Variants in ADAM18 observed in about 807,000 individuals in gnomAD.
ADAM18 encodes disintegrin and metalloproteinase domain-containing protein 18.
In ADAM18, 117 loss-of-function variants were observed where a neutral mutation model predicts 94.4. That is an observed-to-expected ratio of 1.24 (90% CI 1.07 to 1.45). The LOEUF (loss-of-function observed/expected upper bound fraction) is 1.45. ADAM18 is among the 40% of genes most tolerant of loss of function. The probability of loss-of-function intolerance (pLI) is 0.00; values close to 1 mark genes in which losing one functional copy is unlikely to be tolerated. For synonymous variants in ADAM18, 327 were observed against 291.6 expected (o/e 1.12, Z -1.24); for missense variants, 936 against 880.0 (o/e 1.06, Z -0.81).
chr8:39,591,668 C>T (rs13270163), intron 2 of ADAM18, among the ~76,000 whole-genome samples: 51,004 of 152,042 alleles, frequency 0.34, 9,563 homozygotes, highest in Non-Finnish European at 0.42. Flanking sequence ...TTCATGAGAG[C>T]TGTAATTAAC....
intron 16 of ADAM18, among the ~76,000 whole-genome samples, chr8:39,691,547 C>G (rs1039221673): frequency 1.3e-5 from 2 of 151,972 alleles, no homozygotes; most frequent in African/African-American, 4.8e-5. Flanking sequence ...TATTGCCACA[C>G]TATTCACAAT....
intron 18 of ADAM18, among the ~76,000 whole-genome samples, chr8:39,709,675 T>A (rs752373572): frequency 2.6e-5 from 4 of 152,194 alleles, no homozygotes; most frequent in Admixed American, 6.5e-5. Context: ...GAGATTCACA[T>A]TTTATAAAGT....
intron 14 of ADAM18, among the ~76,000 whole-genome samples, chr8:39,674,888 G>T (rs537330433): frequency 6.6e-6 from 1 of 152,286 alleles, no homozygotes; most frequent in South Asian, 2.1e-4. Flanking sequence ...ATGAAGCTTA[G>T]TTCGGCTGGA....
intron 3 of ADAM18, 142 bp from the exon 4 acceptor site, chr8:39,608,900 T>C: frequency 1.7e-6 from 1 of 594,500 alleles, no homozygotes; most frequent in South Asian, 2.2e-5. Flanking sequence ...TCAACTGTTA[T>C]GCCTCACTAA....
intron 18 of ADAM18, among the ~76,000 whole-genome samples, chr8:39,716,712 A>G (rs1822589648): frequency 6.6e-6 from 1 of 151,906 alleles, no homozygotes; most frequent in South Asian, 2.1e-4. Context: ...TGTTAGGTCC[A>G]TTTGGTGTTT....
At chr8:39,649,159 T>C (rs1820459514) in intron 12 of ADAM18, among the ~76,000 whole-genome samples, 1 of 152,110 alleles carries the variant, frequency 6.6e-6, no homozygotes, top group Non-Finnish European at 1.5e-5. Flanking sequence ...TTCTTCATGA[T>C]TTATCCCCCA....
intron 18 of ADAM18, among the ~76,000 whole-genome samples, chr8:39,715,985 C>A (rs1321725985): frequency 6.6e-6 from 1 of 151,968 alleles, no homozygotes; most frequent in Non-Finnish European, 1.5e-5. Flanking sequence ...GAAGACTTCA[C>A]GAGGACGGGA....
chr8:39,587,841 G>A (rs747590749), intron 2 of ADAM18, among the ~76,000 whole-genome samples: 1 of 152,090 alleles, frequency 6.6e-6, no homozygotes, highest in Non-Finnish European at 1.5e-5. Flanking sequence ...AATGTTCTGT[G>A]GGTTCATTCA....
intron 11 of ADAM18, among the ~76,000 whole-genome samples, chr8:39,646,233 T>A (rs1208464952): frequency 2.0e-5 from 3 of 152,138 alleles, no homozygotes; most frequent in Admixed American, 6.5e-5. Flanking sequence ...AGTGCTATAG[T>A]GCTGTCTAAT....
At chr8:39,634,708 A>G (rs1000054092) in intron 7 of ADAM18, among the ~76,000 whole-genome samples, 3 of 152,184 alleles carry the variant, frequency 2.0e-5, no homozygotes, top group Admixed American at 2.0e-4. Context: ...TCTTGGAATC[A>G]TATAACTTGT....
At chr8:39,710,487 T>A (rs1235936424) in intron 18 of ADAM18, among the ~76,000 whole-genome samples, 1 of 152,194 alleles carries the variant, frequency 6.6e-6, no homozygotes, top group Admixed American at 6.5e-5. Context: ...GCTAAGTGAA[T>A]CTCAGGCAAG....
chr8:39,680,679 C>T (rs1216087294), intron 16 of ADAM18, among the ~76,000 whole-genome samples: 1 of 152,048 alleles, frequency 6.6e-6, no homozygotes, highest in African/African-American at 2.4e-5. Flanking sequence ...CAGGCTCATG[C>T]GTATATACAT....
chr8:39,614,293 C>T (rs1819370943), intron 6 of ADAM18, among the ~76,000 whole-genome samples: 1 of 152,106 alleles, frequency 6.6e-6, no homozygotes, highest in Non-Finnish European at 1.5e-5. Context: ...ACCCTGTGAG[C>T]CAGAAGAGAT....
At chr8:39,679,957 T>C (rs1821398076) in intron 15 of ADAM18, 80 bp from the exon 16 acceptor site, 1 of 1,340,186 alleles carries the variant, frequency 7.5e-7, no homozygotes, top group South Asian at 1.2e-5. Flanking sequence ...AACAGTATGT[T>C]ACCATTATGC....
intron 18 of ADAM18, among the ~76,000 whole-genome samples, chr8:39,712,623 A>T (rs929598510): frequency 1.3e-5 from 2 of 152,214 alleles, no homozygotes; most frequent in African/African-American, 4.8e-5. Flanking sequence ...ATGTGCAAAA[A>T]TCACAAGCAT....
chr8:39,615,894 T>C (rs1423525934), intron 6 of ADAM18, among the ~76,000 whole-genome samples: 1 of 152,082 alleles, frequency 6.6e-6, no homozygotes, highest in African/African-American at 2.4e-5. Flanking sequence ...AAAAAATAAG[T>C]AGCACTTGTA....
intron 2 of ADAM18, among the ~76,000 whole-genome samples, chr8:39,603,427 G>A (rs931006490): frequency 1.3e-5 from 2 of 152,228 alleles, no homozygotes; most frequent in East Asian, 3.9e-4. Flanking sequence ...AGTTACCTGT[G>A]CCACTTGTAC....
At chr8:39,621,232 A>T (rs1819604255) in intron 6 of ADAM18, among the ~76,000 whole-genome samples, 1 of 152,056 alleles carries the variant, frequency 6.6e-6, no homozygotes, top group African/African-American at 2.4e-5. Flanking sequence ...CAAATTAAGA[A>T]CATCATCAGA....
chr8:39,705,920 T>C (rs570573696), intron 17 of ADAM18, among the ~76,000 whole-genome samples: 1 of 152,192 alleles, frequency 6.6e-6, no homozygotes, highest in South Asian at 2.1e-4. Context: ...TATTATTTGG[T>C]AAAAATCTAT....
Sources: gnomAD v4.1 joint callset for allele counts (sites outside exome capture counted in the v4.1 genomes callset) on GRCh38, gnomAD v4.1.1 for gene constraint, MANE v1.5 for transcripts, NCBI Gene and HGNC (gene_info 2026-07-23, HGNC 2026-07-21) for gene names.